GABPB1: variants seen among roughly 807,000 people sequenced by gnomAD.
GABPB1 encodes the protein GA-binding protein subunit beta-1.
GABPB1 carries 15 observed loss-of-function variants against 45.9 expected under a neutral mutation model. The observed-to-expected ratio is 0.33, with a 90% CI of 0.22 to 0.50. GABPB1 has a LOEUF of 0.50. GABPB1 is among the 20% of genes least tolerant of loss of function. The pLI is 0.98. For missense variants in GABPB1, 252 were observed against 457.5 expected, an observed-to-expected ratio of 0.55 and a Z score of 4.10; for synonymous variants, 143 against 154.4, an observed-to-expected ratio of 0.93 and a Z score of 0.55.
chr15:50,287,964 C>G (rs1262520071), intron 7 of GABPB1, among the ~76,000 whole-genome samples: 1 of 152,168 alleles, frequency 6.6e-6, no homozygotes, highest in Non-Finnish European at 1.5e-5. Flanking sequence ...CACTCAAAAC[C>G]AAACCTGGTT....
chr15:50,343,646 C>A (rs2048462805), intron 1 of GABPB1, among the ~76,000 whole-genome samples: 1 of 152,130 alleles, frequency 6.6e-6, no homozygotes, highest in African/African-American at 2.4e-5. Flanking sequence ...TCAAGCGATT[C>A]TCCTGCCTCA....
chr15:50,314,890 T>G (rs2047261974), intron 1 of GABPB1, among the ~76,000 whole-genome samples: 1 of 152,260 alleles, frequency 6.6e-6, no homozygotes, highest in Admixed American at 6.5e-5. Flanking sequence ...CAATGCCACT[T>G]TGGCATCTGC....
intron 1 of GABPB1, among the ~76,000 whole-genome samples, chr15:50,341,503 A>C (rs375321379): frequency 2.0e-4 from 31 of 152,202 alleles, no homozygotes; most frequent in African/African-American, 7.5e-4. Flanking sequence ...ATTGCACTCC[A>C]GCCTGGGCAA....
chr15:50,336,573 C>G (rs2048136129), intron 1 of GABPB1, among the ~76,000 whole-genome samples: 1 of 149,896 alleles, frequency 6.7e-6, no homozygotes, highest in South Asian at 2.1e-4. Flanking sequence ...GTCCCAGCTA[C>G]TCAGGAGGCT....
At chr15:50,351,471 G>C (rs1428192377) in intron 1 of GABPB1, 1 of 152,232 alleles carries the variant, frequency 6.6e-6, no homozygotes, top group African/African-American at 2.4e-5. Flanking sequence ...AACTACTCAG[G>C]AGGCTGAGGC....
At chr15:50,295,819 A>G (rs1038954593) in intron 6 of GABPB1, among the ~76,000 whole-genome samples, 2 of 152,072 alleles carry the variant, frequency 1.3e-5, no homozygotes, top group African/African-American at 2.4e-5. Flanking sequence ...CCAGTGAACA[A>G]TAACAGTAAT....
At chr15:50,336,542 G>T (rs2048134828) in intron 1 of GABPB1, among the ~76,000 whole-genome samples, 1 of 151,738 alleles carries the variant, frequency 6.6e-6, no homozygotes, top group African/African-American at 2.4e-5. Flanking sequence ...AATTAGCCAG[G>T]CATGGTGGCA....
At chr15:50,308,024 T>G (rs1251185652) in intron 2 of GABPB1, among the ~76,000 whole-genome samples, 2 of 152,198 alleles carry the variant, frequency 1.3e-5, no homozygotes, top group African/African-American at 4.8e-5. Context: ...TTTCATACCT[T>G]TCAGTTTACT....
intron 1 of GABPB1, among the ~76,000 whole-genome samples, chr15:50,321,239 C>G (rs2047558739): frequency 6.6e-6 from 1 of 152,144 alleles, no homozygotes; most frequent in Non-Finnish European, 1.5e-5. Flanking sequence ...TAATTAGACA[C>G]TGCCAAATTA....
At chr15:50,319,080 G>A (rs1452726007) in intron 1 of GABPB1, among the ~76,000 whole-genome samples, 1 of 152,090 alleles carries the variant, frequency 6.6e-6, no homozygotes, top group Non-Finnish European at 1.5e-5. Context: ...AAGTCAAAAG[G>A]TATCTAATGT....
At chr15:50,300,447 T>G (rs1350348048) in intron 6 of GABPB1, among the ~76,000 whole-genome samples, 2 of 124,894 alleles carry the variant, frequency 1.6e-5, no homozygotes, top group East Asian at 2.0e-4. Flanking sequence ...TTTTTTTTTT[T>G]TTTTTTTTTT....
intron 1 of GABPB1, among the ~76,000 whole-genome samples, chr15:50,321,505 C>A (rs374220420): frequency 6.6e-6 from 1 of 152,076 alleles, no homozygotes; most frequent in Non-Finnish European, 1.5e-5. Flanking sequence ...GTAAAAGATG[C>A]GGCAACCCTT....
intron 1 of GABPB1, among the ~76,000 whole-genome samples, chr15:50,318,675 G>A (rs2047437631): frequency 6.6e-6 from 1 of 152,192 alleles, no homozygotes; most frequent in African/African-American, 2.4e-5. Flanking sequence ...GGGAGCCAGA[G>A]AACAGAGTTC....
intron 1 of GABPB1, among the ~76,000 whole-genome samples, chr15:50,338,883 A>G (rs1444163030): frequency 2.0e-5 from 3 of 152,208 alleles, no homozygotes; most frequent in Non-Finnish European, 2.9e-5. Flanking sequence ...TTAAATTGGA[A>G]CCATAGGCCA....
intron 1 of GABPB1, among the ~76,000 whole-genome samples, chr15:50,338,934 G>A (rs1182318685): frequency 6.6e-6 from 1 of 152,184 alleles, no homozygotes; most frequent in Admixed American, 6.5e-5. Context: ...GCCAAGGCGG[G>A]CAGATCACCT....
intron 8 of GABPB1, among the ~76,000 whole-genome samples, chr15:50,280,378 G>A (rs2045935499): frequency 6.6e-6 from 1 of 152,166 alleles, no homozygotes; most frequent in African/African-American, 2.4e-5. Flanking sequence ...AAGGGGTGAG[G>A]GGTGGAAGGT....
At position 50,275,652 on chromosome 15, in the gene GABPB1, GAAAT is replaced by G. The variant is rs1210822480; in HGVS notation, c.*2976_*2979del. ...CTTCCCAACCCTCCACCACCATAAAGAAATAGAGCAATCCAGTGACAGAGTAAAA... is the reference window on the plus strand; with the variant it reads ...CTTCCCAACCCTCCACCACCATAAAGAGAGCAATCCAGTGACAGAGTAAAA... On this transcript the variant is annotated 3_prime_UTR_variant, in exon 9 of 9. Transcript: ENST00000380877. 2 of 152,060 alleles carry G rather than the reference GAAAT, an allele frequency of 1.3e-5. No individual in the cohort carries two copies. Among genetic ancestry groups the G allele is most frequent in the African/African-American group, 4.8e-5 (2 of 41,398 alleles). 9.4% of individuals were successfully genotyped at this position (152,060 alleles called of 1,614,324 possible).
At chr15:50,326,916 A>C (rs2047790469) in intron 1 of GABPB1, among the ~76,000 whole-genome samples, 1 of 152,100 alleles carries the variant, frequency 6.6e-6, no homozygotes. Flanking sequence ...CCTTCTAAAA[A>C]CCATACGAGG....
intron 7 of GABPB1, among the ~76,000 whole-genome samples, chr15:50,286,890 A>T (rs1229871588): frequency 1.3e-5 from 2 of 152,232 alleles, no homozygotes; most frequent in African/African-American, 4.8e-5. Context: ...AGCTGAAACC[A>T]TGCGAAGCCA....
Sources: allele counts gnomAD v4.1 joint callset (sites outside exome capture counted in the v4.1 genomes callset), GRCh38; gene constraint gnomAD v4.1.1; transcripts MANE v1.5; gene names NCBI Gene and HGNC (gene_info 2026-07-23, HGNC 2026-07-21).